Variants in KHDRBS2 observed in about 807,000 individuals in gnomAD.
The protein encoded by KHDRBS2 is KH domain-containing, RNA-binding, signal transduction-associated protein 2.
A neutral mutation model predicts 44.3 loss-of-function variants in KHDRBS2; 26 were observed. The ratio of observed to expected loss-of-function variants is 0.59; its 90% CI spans 0.43 to 0.81. The LOEUF is 0.81. Among genes scored for constraint, KHDRBS2 ranks in the 40% least tolerant of loss-of-function variants. The pLI is 0.00. For synonymous variants in KHDRBS2, 194 were observed against 151.1 expected (o/e 1.28, Z -2.08); for missense variants, 476 against 433.1 (o/e 1.10, Z -0.88).
chr6:62,150,665 C>T (rs1814963229), intron 2 of KHDRBS2, among the ~76,000 whole-genome samples: 1 of 152,086 alleles, frequency 6.6e-6, no homozygotes, highest in Non-Finnish European at 1.5e-5. Flanking sequence ...TCGAAGCACC[C>T]AAATGAAAAA....
chr6:61,662,268 C>T, the KHDRBS2 span, among the ~76,000 whole-genome samples: 9 of 151,970 alleles, frequency 5.9e-5, no homozygotes, highest in East Asian at 3.9e-4. Flanking sequence ...TAAAGACTTA[C>T]ATGTTAGACC....
rs185223576 is a variant in KHDRBS2 at position 62,282,230 on chromosome 6, T to C, written c.91+3628A>G. ...CATGTGTGGTAAGTATTAATCCCTC[T>C]TTTCTTAATATTTTTAAGATCTCAT... is the stretch of plus-strand genomic sequence containing the variant. On this transcript the variant is annotated intron_variant, in intron 1 of 8. Transcript: ENST00000281156. 1.8e-4 allele frequency among the ~76,000 whole-genome samples: 28 copies of C among 152,270 alleles called. No individual in the cohort carries two copies. In the East Asian group the frequency reaches 5.4e-3, roughly 29 times the overall value.
intron 1 of KHDRBS2, among the ~76,000 whole-genome samples, chr6:62,247,858 A>G (rs1214346514): frequency 6.6e-6 from 1 of 152,132 alleles, no homozygotes; most frequent in East Asian, 1.9e-4. Flanking sequence ...TTTTCTATTC[A>G]AGGAACTCCC....
chr6:62,027,782 C>T (rs978510420), intron 3 of KHDRBS2, among the ~76,000 whole-genome samples: 5 of 152,104 alleles, frequency 3.3e-5, no homozygotes, highest in Non-Finnish European at 7.4e-5. Flanking sequence ...GGTGCCGTGC[C>T]TAGAGAGGGC....
At chr6:62,190,913 C>A (rs544375215) in intron 1 of KHDRBS2, among the ~76,000 whole-genome samples, 30 of 152,196 alleles carry the variant, frequency 2.0e-4, no homozygotes, top group Admixed American at 1.3e-3. Flanking sequence ...CACTCAGATA[C>A]TCTCTCACTG....
intron 2 of KHDRBS2, among the ~76,000 whole-genome samples, chr6:62,133,324 T>A (rs773412738): frequency 6.9e-4 from 105 of 152,264 alleles, no homozygotes; most frequent in Admixed American, 1.5e-3. Flanking sequence ...TGGTAGTAAG[T>A]CTCATGAGAT....
At chr6:62,124,649 C>A (rs1165872601) in intron 2 of KHDRBS2, among the ~76,000 whole-genome samples, 1 of 151,084 alleles carries the variant, frequency 6.6e-6, no homozygotes, top group Non-Finnish European at 1.5e-5. Context: ...TGTTGATGGA[C>A]ACTTAGGTTG....
chr6:62,255,638 AC>A, intron 1 of KHDRBS2, among the ~76,000 whole-genome samples: 1 of 149,928 alleles, frequency 6.7e-6, no homozygotes, highest in Non-Finnish European at 1.5e-5. Context: ...ACACACACAC[AC>A]ACACACACAC....
At chr6:61,935,660 C>T (rs1056819824) in intron 4 of KHDRBS2, among the ~76,000 whole-genome samples, 4 of 152,040 alleles carry the variant, frequency 2.6e-5, no homozygotes, top group African/African-American at 7.2e-5. Flanking sequence ...GCTAAATCTT[C>T]AGTATTATTT....
intron 6 of KHDRBS2, among the ~76,000 whole-genome samples, chr6:61,765,483 GTAAA>G (rs1343999795): frequency 1.3e-5 from 2 of 151,856 alleles, no homozygotes; most frequent in African/African-American, 4.8e-5. Context: ...AAGTAAATAA[GTAAA>G]TAAATAAAGG....
chr6:61,710,943 G>T (rs1363641525), intron 7 of KHDRBS2, among the ~76,000 whole-genome samples: 1 of 147,638 alleles, frequency 6.8e-6, no homozygotes, highest in East Asian at 2.0e-4. Flanking sequence ...GACTCAGCAG[G>T]GGCTCAGAAA....
At chr6:61,582,109 T>C in the KHDRBS2 span, among the ~76,000 whole-genome samples, 3 of 151,858 alleles carry the variant, frequency 2.0e-5, no homozygotes, top group Non-Finnish European at 4.4e-5. Context: ...AGTAAAGTTA[T>C]GATCTAAAAG....
At chr6:61,862,678 C>T (rs1797161906) in intron 6 of KHDRBS2, among the ~76,000 whole-genome samples, 1 of 152,082 alleles carries the variant, frequency 6.6e-6, no homozygotes, top group Non-Finnish European at 1.5e-5. Context: ...CTTACTTGAT[C>T]ATGGTAAATA....
At chr6:62,259,671 G>T (rs777563261) in intron 1 of KHDRBS2, among the ~76,000 whole-genome samples, 33 of 151,582 alleles carry the variant, frequency 2.2e-4, no homozygotes, top group Admixed American at 1.6e-3. Context: ...CTGATCACCT[G>T]ATTAAATAAT....
At chr6:61,704,644 G>C (rs1427865589) in intron 7 of KHDRBS2, among the ~76,000 whole-genome samples, 2 of 151,838 alleles carry the variant, frequency 1.3e-5, no homozygotes, top group Non-Finnish European at 2.9e-5. Context: ...TGAAGACAAT[G>C]AAGGATTTAA....
chr6:62,165,672 A>G (rs1224706732), intron 2 of KHDRBS2, among the ~76,000 whole-genome samples: 1 of 151,876 alleles, frequency 6.6e-6, no homozygotes, highest in Non-Finnish European at 1.5e-5. Context: ...ACAGCATAAA[A>G]TTTACCATTT....
chr6:61,823,198 G>A (rs1219375765), intron 6 of KHDRBS2, among the ~76,000 whole-genome samples: 1 of 151,980 alleles, frequency 6.6e-6, no homozygotes, highest in Non-Finnish European at 1.5e-5. Context: ...AACCAAGGAA[G>A]GAGGGTTGGG....
At chr6:61,867,653 T>A (rs547272159) in intron 6 of KHDRBS2, among the ~76,000 whole-genome samples, 1 of 152,272 alleles carries the variant, frequency 6.6e-6, no homozygotes, top group South Asian at 2.1e-4. Context: ...TGTTTGCTTG[T>A]TTTTGTGTTG....
the KHDRBS2 span, among the ~76,000 whole-genome samples, chr6:61,615,271 A>AT: frequency 2.0e-5 from 3 of 151,406 alleles, no homozygotes; most frequent in Non-Finnish European, 4.4e-5. Flanking sequence ...AAGAAAAAAA[A>AT]CAAGAAGAAG....
Sources: gnomAD v4.1 joint callset for allele counts (sites outside exome capture counted in the v4.1 genomes callset) on GRCh38, gnomAD v4.1.1 for gene constraint, MANE v1.5 for transcripts, NCBI Gene and HGNC (gene_info 2026-07-23, HGNC 2026-07-21) for gene names.